Variants in RBFOX1 observed in about 807,000 individuals in gnomAD.
The protein encoded by RBFOX1 is RNA binding protein fox-1 homolog 1.
In RBFOX1, 8 loss-of-function variants were observed where a neutral mutation model predicts 57.7. The ratio of observed to expected loss-of-function variants is 0.14; its 90% CI spans 0.08 to 0.25. The LOEUF (loss-of-function observed/expected upper bound fraction) is 0.25, where lower values mean the gene tolerates loss of function less well. RBFOX1 is among the 10% of genes least tolerant of loss of function. The pLI is 1.00. For synonymous variants in RBFOX1, 326 were observed against 222.4 expected, an observed-to-expected ratio of 1.47 and a Z score of -4.15; for missense variants, 611 against 548.5, an observed-to-expected ratio of 1.11 and a Z score of -1.14.
chr16:6,273,928 G>A (rs1312043783), intron 1 of RBFOX1, among the ~76,000 whole-genome samples: 1 of 152,150 alleles, frequency 6.6e-6, no homozygotes, highest in African/African-American at 2.4e-5. Context: ...CAGATGGCAA[G>A]TAAGCACATG....
intron 3 of RBFOX1, among the ~76,000 whole-genome samples, chr16:6,999,073 T>C (rs2092529072): frequency 6.6e-6 from 1 of 151,042 alleles, no homozygotes; most frequent in Non-Finnish European, 1.5e-5. Context: ...TTCACCATGT[T>C]GGCCAAGTTG....
intron 2 of RBFOX1, among the ~76,000 whole-genome samples, chr16:6,642,237 G>A (rs960484014): frequency 6.6e-6 from 1 of 152,190 alleles, no homozygotes. Flanking sequence ...GTTTGCAGCT[G>A]ACATCTCGAG....
At chr16:6,262,952 G>A (rs910093555) in intron 1 of RBFOX1, among the ~76,000 whole-genome samples, 1 of 152,134 alleles carries the variant, frequency 6.6e-6, no homozygotes, top group Non-Finnish European at 1.5e-5. Context: ...GAGAGGGCCC[G>A]CTTTAGATGT....
chr16:6,635,607 A>T (rs553661074), intron 2 of RBFOX1, among the ~76,000 whole-genome samples: 1 of 152,328 alleles, frequency 6.6e-6, no homozygotes, highest in Admixed American at 6.5e-5. Context: ...TCTGGGAGGA[A>T]CATACTAGAA....
chr16:7,108,872 G>A (rs894052256), intron 4 of RBFOX1, among the ~76,000 whole-genome samples: 1 of 152,188 alleles, frequency 6.6e-6, no homozygotes. Flanking sequence ...ATTTATGGTT[G>A]AATACTATGC....
chr16:6,043,454 G>C (rs2095462976), intron 1 of RBFOX1, among the ~76,000 whole-genome samples: 1 of 152,184 alleles, frequency 6.6e-6, no homozygotes, highest in Non-Finnish European at 1.5e-5. Context: ...TGCTATATCA[G>C]AGTCAGGTTG....
intron 9 of RBFOX1, among the ~76,000 whole-genome samples, chr16:7,606,571 C>CT (rs533453631): frequency 2.0e-5 from 3 of 152,220 alleles, no homozygotes; most frequent in South Asian, 2.1e-4. Context: ...CTTGTATGCT[C>CT]TTTTTTTGTG....
intron 4 of RBFOX1, among the ~76,000 whole-genome samples, chr16:7,244,407 A>C (rs1263926427): frequency 2.6e-5 from 4 of 152,188 alleles, no homozygotes; most frequent in Non-Finnish European, 5.9e-5. Flanking sequence ...TTCCTGAGCC[A>C]GCCATTTCAG....
chr16:6,464,265 A>G (rs73540085), intron 2 of RBFOX1, among the ~76,000 whole-genome samples: 6,772 of 152,306 alleles, frequency 0.044, 463 homozygotes, highest in African/African-American at 0.15. Flanking sequence ...AACAAAAAAA[A>G]TCATATATTA....
chr16:7,304,155 C>T (rs576080633), intron 4 of RBFOX1: 116 of 932,886 alleles, frequency 1.2e-4, no homozygotes, highest in Non-Finnish European at 1.4e-4. Context: ...GAGGAGGGAC[C>T]GGCGGGGTGC....
chr16:7,531,359 A>T (rs1459838808), intron 5 of RBFOX1, among the ~76,000 whole-genome samples: 1 of 152,168 alleles, frequency 6.6e-6, no homozygotes, highest in Non-Finnish European at 1.5e-5. Flanking sequence ...CATACTGGGT[A>T]CCCAGTGGAA....
intron 3 of RBFOX1, among the ~76,000 whole-genome samples, chr16:7,029,594 A>G (rs575273728): frequency 6.6e-6 from 1 of 152,128 alleles, no homozygotes; most frequent in Non-Finnish European, 1.5e-5. Context: ...ACATGAGATC[A>G]TTAAGTATCA....
chr16:7,525,540 A>G (rs1208808172), intron 5 of RBFOX1, among the ~76,000 whole-genome samples: 1 of 152,162 alleles, frequency 6.6e-6, no homozygotes, highest in Admixed American at 6.5e-5. Context: ...TCATGGACAG[A>G]ACCTAAGAAG....
intron 4 of RBFOX1, among the ~76,000 whole-genome samples, chr16:7,214,933 G>T (rs1424847905): frequency 1.3e-5 from 2 of 152,108 alleles, no homozygotes; most frequent in Admixed American, 6.5e-5. Flanking sequence ...CACATGTACT[G>T]AATGTGCAGG....
chr16:7,041,952 ATT>A (rs1442944878), intron 3 of RBFOX1, among the ~76,000 whole-genome samples: 1 of 152,196 alleles, frequency 6.6e-6, no homozygotes, highest in Non-Finnish European at 1.5e-5. Context: ...GCCTGCAGAG[ATT>A]ATATAATATG....
intron 4 of RBFOX1, among the ~76,000 whole-genome samples, chr16:7,250,515 C>T (rs1171519622): frequency 6.6e-6 from 1 of 152,234 alleles, no homozygotes; most frequent in East Asian, 1.9e-4. Context: ...TACCTTGTCT[C>T]TGCTTTAGTT....
intron 3 of RBFOX1, among the ~76,000 whole-genome samples, chr16:6,760,051 G>A (rs1055771401): frequency 7.2e-5 from 11 of 152,140 alleles, no homozygotes; most frequent in Admixed American, 1.3e-4. Context: ...ACAGCAAAAG[G>A]TGAGCATATG....
intron 3 of RBFOX1, among the ~76,000 whole-genome samples, chr16:5,729,848 C>G (rs1031806022): frequency 7.2e-5 from 11 of 152,290 alleles, no homozygotes; most frequent in Non-Finnish European, 1.2e-4. Context: ...GAATGCCAGA[C>G]CCTTGGCTAT....
At chr16:6,708,271 T>G (rs1247787099) in intron 3 of RBFOX1, among the ~76,000 whole-genome samples, 1 of 132,722 alleles carries the variant, frequency 7.5e-6, no homozygotes, top group Non-Finnish European at 1.6e-5. Context: ...GCTAGGATAG[T>G]CCCAAAGCAT....
Sources: gnomAD v4.1 joint callset for allele counts (sites outside exome capture counted in the v4.1 genomes callset) on GRCh38, gnomAD v4.1.1 for gene constraint, MANE v1.5 for transcripts, NCBI Gene and HGNC (gene_info 2026-07-23, HGNC 2026-07-21) for gene names.